The following TEX9 variants were observed in gnomAD, a reference collection of about 807,000 sequenced individuals.
TEX9 encodes testis-expressed protein 9.
In TEX9, 74 loss-of-function variants were observed where a neutral mutation model predicts 59.6. That is an observed-to-expected ratio of 1.24 (90% CI 1.03 to 1.51). The LOEUF is 1.51. TEX9 is among the 40% of genes most tolerant of loss of function. TEX9 has a pLI of 0.00. For missense variants in TEX9, 522 were observed against 447.8 expected (o/e 1.17, Z -1.49); for synonymous variants, 186 against 152.2 (o/e 1.22, Z -1.64).
chr15:56,293,148 A>G (rs2045135428), intron 1 of TEX9, among the ~76,000 whole-genome samples: 1 of 152,076 alleles, frequency 6.6e-6, no homozygotes, highest in South Asian at 2.1e-4. Flanking sequence ...CAGTGTGGCC[A>G]AGATAGTGAG....
chr15:56,344,319 G>A (rs1596105355), intron 1 of TEX9, among the ~76,000 whole-genome samples: 1 of 152,082 alleles, frequency 6.6e-6, no homozygotes, highest in Non-Finnish European at 1.5e-5. Flanking sequence ...TCTATATAAT[G>A]GAATATTATT....
intron 1 of TEX9, among the ~76,000 whole-genome samples, chr15:56,352,813 A>G (rs2141882954): frequency 1.3e-5 from 2 of 152,276 alleles, no homozygotes; most frequent in South Asian, 4.1e-4. Flanking sequence ...AGTGACTCCC[A>G]CCAAACTCTG....
intron 1 of TEX9, among the ~76,000 whole-genome samples, chr15:56,300,649 C>A (rs2045323302): frequency 1.4e-5 from 2 of 145,202 alleles, no homozygotes; most frequent in Admixed American, 7.0e-5. Flanking sequence ...CACAGGGGTG[C>A]TTGTGTCATT....
At chr15:56,372,839 A>AGAAT in intron 2 of TEX9, among the ~76,000 whole-genome samples, 1 of 152,322 alleles carries the variant, frequency 6.6e-6, no homozygotes, top group African/African-American at 2.4e-5. Flanking sequence ...TATTCTTGCT[A>AGAAT]GATTCCAAGT....
rs116892483 is a variant in TEX9, at chr15:56,358,450, G to A, written c.-106-14991G>A. On this transcript the variant is annotated intron_variant, in intron 1 of 5. Coordinates refer to the TEX9 transcript ENST00000560827. ...ATCCCTTTTAACTTAAAAAAAAAAA[G>A]ATTTAATTTTTTAGAAGTTTTACAT... 3.5e-4 allele frequency among the ~76,000 whole-genome samples: 53 copies of A among 150,254 alleles called. 1 individual carries two copies. In the East Asian group the frequency reaches 9.7e-3, roughly 28 times the overall value.
chr15:56,338,322 A>C (rs1054488119), intron 1 of TEX9, among the ~76,000 whole-genome samples: 7 of 152,214 alleles, frequency 4.6e-5, no homozygotes, highest in Non-Finnish European at 8.8e-5. Flanking sequence ...TAAGATGCCA[A>C]GCCTATCCTA....
At chr15:56,313,422 T>A (rs2045673638) in intron 1 of TEX9, among the ~76,000 whole-genome samples, 1 of 144,542 alleles carries the variant, frequency 6.9e-6, no homozygotes, top group Admixed American at 7.2e-5. Flanking sequence ...GGTTTTTGTC[T>A]TTGGTTCTGT....
chr15:56,310,392 A>C (rs2045582453), intron 1 of TEX9, among the ~76,000 whole-genome samples: 1 of 152,214 alleles, frequency 6.6e-6, no homozygotes, highest in South Asian at 2.1e-4. Context: ...AGATTGGGCC[A>C]TTGCACTCCA....
chr15:56,428,277 T>G (rs537196298), intron 11 of TEX9, 90 bp from the exon 12 acceptor site: 1 of 864,132 alleles, frequency 1.2e-6, no homozygotes, highest in Admixed American at 1.9e-5. Context: ...ATTCTGACAA[T>G]ATATTATCCA....
intron 9 of TEX9, among the ~76,000 whole-genome samples, chr15:56,404,394 C>G (rs2140070714): frequency 6.6e-6 from 1 of 152,324 alleles, no homozygotes; most frequent in South Asian, 2.1e-4. Context: ...TGCTCATCAT[C>G]ACTGGTCATT....
intron 1 of TEX9, among the ~76,000 whole-genome samples, chr15:56,340,493 A>G (rs1596103017): frequency 6.6e-6 from 1 of 152,178 alleles, no homozygotes; most frequent in East Asian, 1.9e-4. Flanking sequence ...CATTTCATTT[A>G]AAATAAGCCA....
chr15:56,399,741 C>T (rs1187276732), intron 9 of TEX9, among the ~76,000 whole-genome samples: 4 of 152,160 alleles, frequency 2.6e-5, no homozygotes, highest in South Asian at 2.1e-4. Context: ...AGGTGGGTAC[C>T]CCTCTGGGAC....
intron 11 of TEX9, among the ~76,000 whole-genome samples, chr15:56,427,972 A>G (rs1176075638): frequency 2.0e-5 from 3 of 152,050 alleles, no homozygotes; most frequent in African/African-American, 7.2e-5. Flanking sequence ...GGGACTGGAA[A>G]ATACAGTATA....
chr15:56,294,738 C>T (rs557749560), intron 1 of TEX9, among the ~76,000 whole-genome samples: 1 of 152,252 alleles, frequency 6.6e-6, no homozygotes, highest in Admixed American at 6.5e-5. Context: ...CATGGTAATG[C>T]TTGGGTATAA....
At chr15:56,248,079 TA>T (rs1439024295) in intron 1 of TEX9, among the ~76,000 whole-genome samples, 1 of 152,152 alleles carries the variant, frequency 6.6e-6, no homozygotes, top group Non-Finnish European at 1.5e-5. Context: ...GGAGGGCTTA[TA>T]TATATATAAG....
rs775871877 is a variant in TEX9, at chr15:56,434,203, G to T, written c.*29+5730G>T. 1 of 1,613,872 alleles carries T rather than the reference G, an allele frequency of 6.2e-7. No homozygotes were observed. Among genetic ancestry groups the T allele is most frequent in the Admixed American group, 1.7e-5 (1 of 59,982 alleles). ...TTTTCCACAGCCCTCCTGTGTTCCA[G>T]CTGCTTCATTCTTTGTTTCTGAGCA... On this transcript the variant is annotated intron_variant, in intron 12 of 12. Transcript: ENST00000352903.
chr15:56,275,513 T>C (rs2044647218), intron 1 of TEX9, among the ~76,000 whole-genome samples: 1 of 152,196 alleles, frequency 6.6e-6, no homozygotes, highest in Non-Finnish European at 1.5e-5. Flanking sequence ...TATACTCTTA[T>C]TTTAGCTCAC....
chr15:56,425,690 A>G (rs1279239692), intron 10 of TEX9, among the ~76,000 whole-genome samples: 1 of 152,184 alleles, frequency 6.6e-6, no homozygotes, highest in Non-Finnish European at 1.5e-5. Flanking sequence ...TCCTTGTCAA[A>G]TAAGTGAGAA....
At chr15:56,274,196 C>T (rs555015433) in intron 1 of TEX9, among the ~76,000 whole-genome samples, 3 of 152,078 alleles carry the variant, frequency 2.0e-5, no homozygotes, top group African/African-American at 7.2e-5. Context: ...TCTTTTTGTC[C>T]TTCAATTTGG....
Sources: gnomAD v4.1 joint callset for allele counts (sites outside exome capture counted in the v4.1 genomes callset) on GRCh38, gnomAD v4.1.1 for gene constraint, MANE v1.5 for transcripts, NCBI Gene and HGNC (gene_info 2026-07-23, HGNC 2026-07-21) for gene names.